PDC: variants seen among roughly 807,000 people sequenced by gnomAD.
The protein encoded by PDC is phosducin.
In PDC, 19 loss-of-function variants were observed where a neutral mutation model predicts 22.2. That is an observed-to-expected ratio of 0.86 (90% CI 0.60 to 1.26). The LOEUF (loss-of-function observed/expected upper bound fraction) is 1.26, where lower values mean the gene tolerates loss of function less well. Ranked by LOEUF, PDC falls within the 50% of genes most tolerant of loss-of-function variation. The pLI is 0.00. For missense variants in PDC, 274 were observed against 286.8 expected (o/e 0.96, Z 0.32); for synonymous variants, 97 against 96.2 (o/e 1.01, Z -0.05).
chr1:186,455,236 G>T (rs933124632), intron 1 of PDC, among the ~76,000 whole-genome samples: 2 of 152,188 alleles, frequency 1.3e-5, no homozygotes, highest in African/African-American at 4.8e-5. Flanking sequence ...ACATGACAGA[G>T]AGTGGGTTAG....
intron 3 of PDC, 54 bp from the exon 4 acceptor site, chr1:186,444,560 T>C: frequency 8.2e-7 from 1 of 1,216,532 alleles, no homozygotes; most frequent in Non-Finnish European, 1.2e-6. Context: ...ATTCCTTAGA[T>C]ATACCAAGCC....
intron 1 of PDC, among the ~76,000 whole-genome samples, chr1:186,457,616 T>A (rs1332984760): frequency 6.6e-6 from 1 of 152,172 alleles, no homozygotes; most frequent in African/African-American, 2.4e-5. Context: ...TACTTAGGAT[T>A]TTTGTTGCCA....
At chr1:186,445,106 C>T (rs1662196123) in intron 3 of PDC, among the ~76,000 whole-genome samples, 1 of 152,092 alleles carries the variant, frequency 6.6e-6, no homozygotes, top group East Asian at 1.9e-4. Context: ...AAGTCACCTG[C>T]AGGGCCTTCC....
chr1:186,449,092 G>T (rs970855994), intron 2 of PDC, among the ~76,000 whole-genome samples: 8 of 151,962 alleles, frequency 5.3e-5, no homozygotes, highest in African/African-American at 1.7e-4. Context: ...CTGAGGGTGG[G>T]GTACAATCAG....
intron 1 of PDC, among the ~76,000 whole-genome samples, chr1:186,456,118 T>C (rs1391196504): frequency 1.3e-5 from 2 of 149,240 alleles, no homozygotes. Flanking sequence ...AGGAAAATAA[T>C]AGTATTCTAT....
chr1:186,444,289 C>T lies in PDC; in HGVS notation c.431G>A (p.Gly144Asp). 1 of 1,613,820 alleles carries T rather than the reference C, an allele frequency of 6.2e-7. No homozygotes were observed. The highest frequency in any genetic ancestry group is 8.5e-7 in the Non-Finnish European group (1 of 1,179,772). ...TTIVVHIYED[G>D]IKGCDALNSS... ...GTTTAGAGCATCACAACCCTTAATA[C>T]CATCTTCATAAATGTGAACAACAAT... The change falls in exon 4 of 4, where the codon GGT (glycine) becomes GAT (aspartate). Residue 144 changes from glycine to aspartate, a missense_variant. Transcript: ENST00000391997.
At chr1:186,456,155 T>C (rs1435898654) in intron 1 of PDC, among the ~76,000 whole-genome samples, 1 of 151,254 alleles carries the variant, frequency 6.6e-6, no homozygotes, top group East Asian at 1.9e-4. Context: ...TTAAGGGTAT[T>C]GCTCTAAAAA....
chr1:186,456,421 T>C (rs963106704), intron 1 of PDC, among the ~76,000 whole-genome samples: 3 of 152,178 alleles, frequency 2.0e-5, no homozygotes, highest in Non-Finnish European at 4.4e-5. Flanking sequence ...TCCTTTTTTC[T>C]TTTTGCAAAT....
intron 1 of PDC, among the ~76,000 whole-genome samples, chr1:186,450,547 A>G (rs1418877810): frequency 6.6e-6 from 1 of 151,806 alleles, no homozygotes; most frequent in Non-Finnish European, 1.5e-5. Context: ...TGCCCAGGCT[A>G]GTGTTGAACT....
At chr1:186,455,550 G>A (rs1662439689) in intron 1 of PDC, among the ~76,000 whole-genome samples, 1 of 151,928 alleles carries the variant, frequency 6.6e-6, no homozygotes, top group Admixed American at 6.6e-5. Context: ...CTTTAAAATT[G>A]CAGTTAGGGA....
chr1:186,446,657 T>A, intron 2 of PDC, 80 bp from the exon 3 acceptor site: 1 of 838,814 alleles, frequency 1.2e-6, no homozygotes, highest in Non-Finnish European at 1.8e-6. Context: ...TGTGTAAGTA[T>A]TGTCATGGAA....
Position 186,444,018 on chromosome 1 carries a change from G to T in PDC, c.702C>A (p.Val234=). The change falls in exon 4 of 4, where the codon GTC becomes GTA. Residue 234 remains valine, a synonymous_variant. Transcript: ENST00000391997. The part of the protein sequence containing the change: ...YGLLPEREVH[V]LEHTKIEEED... The stretch of plus-strand genomic sequence containing the variant: ...CTTCTTCTATTTTGGTATGCTCTAG[G>T]ACATGTACCTCTCTTTCAGGTAGTA... 21 of 1,611,734 alleles carry T rather than the reference G, an allele frequency of 1.3e-5. No individual in the cohort carries two copies. The highest frequency in any genetic ancestry group is 1.6e-5 in the Non-Finnish European group (19 of 1,177,908).
chr1:186,456,926 T>C (rs781091948), intron 1 of PDC, among the ~76,000 whole-genome samples: 11 of 152,202 alleles, frequency 7.2e-5, no homozygotes, highest in Admixed American at 1.3e-4. Context: ...GAAAAACTGC[T>C]AAGTGGGCAA....
At chr1:186,454,879 A>G (rs535581855) in intron 1 of PDC, among the ~76,000 whole-genome samples, 1 of 152,346 alleles carries the variant, frequency 6.6e-6, no homozygotes, top group South Asian at 2.1e-4. Context: ...GGGATTTTTA[A>G]GATCAATTTC....
chr1:186,446,067 G>C (rs937441731), intron 3 of PDC, among the ~76,000 whole-genome samples: 9 of 152,104 alleles, frequency 5.9e-5, no homozygotes, highest in African/African-American at 2.2e-4. Context: ...TGTTACATTT[G>C]TGTAGTATTT....
intron 1 of PDC, among the ~76,000 whole-genome samples, chr1:186,454,695 C>T (rs1030211288): frequency 6.6e-6 from 1 of 152,154 alleles, no homozygotes; most frequent in Non-Finnish European, 1.5e-5. Flanking sequence ...ACTACTCTTA[C>T]ATGTGGCCAA....
At chr1:186,459,752 G>GTATATATA (rs56927589) in intron 1 of PDC, among the ~76,000 whole-genome samples, 5,522 of 111,498 alleles carry the variant, frequency 0.05, 235 homozygotes, top group African/African-American at 0.1. Context: ...GTGTGTGTGT[G>GTATATATA]TATATATATA....
rs145374370 is a variant in PDC at position 186,444,182 on chromosome 1, G to A, written c.538C>T (p.Arg180Cys). The A allele has an allele frequency of 3.7e-4, 603 of 1,613,370 alleles. 2 individuals are homozygous for A. In the East Asian group the frequency reaches 6.4e-3, roughly 17 times the overall value. Residue 180 changes from arginine to cysteine, a missense_variant, in exon 4 of 4, where the codon CGC (arginine) becomes TGC (cysteine). Arg to Cys is a radical substitution (Grantham distance 180, BLOSUM62 -3). Coordinates refer to ENST00000391997, the MANE Select transcript of PDC (RefSeq NM_002597.5). ...IKASNTGAGD[R>C]FSLDVLPTLL... is the part of the protein sequence containing the mutation. ...GTAGGAAGTACATCTAAGGAAAAGC[G>A]GTCCCCAGCACCTGTATTCGAAGCT...
chr1:186,445,435 T>C (rs1354041439), intron 3 of PDC, among the ~76,000 whole-genome samples: 5 of 152,204 alleles, frequency 3.3e-5, no homozygotes, highest in African/African-American at 1.2e-4. Flanking sequence ...TTATGATGCT[T>C]TCATTACTTC....
Sources: gnomAD v4.1 joint callset for allele counts (sites outside exome capture counted in the v4.1 genomes callset) on GRCh38, gnomAD v4.1.1 for gene constraint, MANE v1.5 for transcripts, NCBI Gene and HGNC (gene_info 2026-07-23, HGNC 2026-07-21) for gene names.